The following GOT1 variants were observed in gnomAD, a reference collection of about 807,000 sequenced individuals.
GOT1 encodes glutamic-oxaloacetic transaminase 1, also known as aspartate aminotransferase, cytoplasmic.
GOT1 carries 25 observed loss-of-function variants against 48.2 expected under a neutral mutation model. The observed-to-expected ratio is 0.52, with a 90% CI of 0.38 to 0.72. GOT1 has a LOEUF of 0.72. GOT1 is among the 30% of genes least tolerant of loss of function. The pLI, the probability that GOT1 is intolerant of heterozygous loss-of-function variation, is 0.00. For missense variants in GOT1, 380 were observed against 520.1 expected (o/e 0.73, Z 2.62); for synonymous variants, 188 against 193.8 (o/e 0.97, Z 0.25).
chr10:99,406,656 A>G, intron 3 of GOT1, 70 bp downstream of exon 3: 2 of 1,485,452 alleles, frequency 1.3e-6, no homozygotes, highest in South Asian at 1.2e-5. Flanking sequence ...TTTCTGTGTA[A>G]CCAGGGAGAG....
chr10:99,429,661 T>G (rs993970882), intron 1 of GOT1, among the ~76,000 whole-genome samples: 1 of 152,132 alleles, frequency 6.6e-6, no homozygotes, highest in Non-Finnish European at 1.5e-5. Flanking sequence ...GGTAAAAAAT[T>G]TGAGAGGCAC....
intron 2 of GOT1, 100 bp downstream of exon 2, chr10:99,420,524 T>A (rs184856894): frequency 3.8e-4 from 330 of 879,532 alleles, no homozygotes; most frequent in Admixed American, 6.4e-4. Context: ...TCATTGGCAG[T>A]TCAATAGACA....
At chr10:99,416,921 A>G (rs1379131045) in intron 2 of GOT1, among the ~76,000 whole-genome samples, 1 of 152,214 alleles carries the variant, frequency 6.6e-6, no homozygotes, top group African/African-American at 2.4e-5. Flanking sequence ...CTTATACAAA[A>G]ATTAATTCAA....
At chr10:99,408,285 C>T (rs1029410206) in intron 2 of GOT1, among the ~76,000 whole-genome samples, 1 of 152,126 alleles carries the variant, frequency 6.6e-6, no homozygotes, top group Non-Finnish European at 1.5e-5. Context: ...TAGTTCTCTG[C>T]CTATAGATCT....
intron 1 of GOT1, among the ~76,000 whole-genome samples, chr10:99,425,948 G>A (rs1162595573): frequency 2.6e-5 from 4 of 152,166 alleles, no homozygotes; most frequent in South Asian, 2.1e-4. Flanking sequence ...TACATACAAG[G>A]TACTGCACTA....
At position 99,420,639 on chromosome 10, in the gene GOT1, T is replaced by G. The variant is rs1395181515; in HGVS notation, c.285A>C (p.Ala95=). ...CAAAACTTACCCGCTTCTCCTTGAG[T>G]GCTGGGCTGTCATCCCCAAGGGCAA... ...SRLALGDDSP[A]LKEKRVGGVQ... Residue 95 remains alanine, a synonymous_variant, in exon 2 of 9, where the codon GCA becomes GCC. Coordinates refer to ENST00000370508, the MANE Select transcript of GOT1 (RefSeq NM_002079.3). 6.2e-7 allele frequency: 1 copy of G among 1,613,322 alleles called. No individual in the cohort carries two copies. Among genetic ancestry groups the G allele is most frequent in the Non-Finnish European group, 8.5e-7 (1 of 1,179,576 alleles).
At chr10:99,423,712 G>A (rs771830100) in intron 1 of GOT1, among the ~76,000 whole-genome samples, 1 of 152,068 alleles carries the variant, frequency 6.6e-6, no homozygotes, top group African/African-American at 2.4e-5. Flanking sequence ...GCAGTGGCAC[G>A]AACACAGCTC....
At chr10:99,419,824 C>A (rs899396561) in intron 2 of GOT1, among the ~76,000 whole-genome samples, 1 of 152,190 alleles carries the variant, frequency 6.6e-6, no homozygotes, top group Non-Finnish European at 1.5e-5. Flanking sequence ...GCTCAAGTGC[C>A]ATCTCCAGCA....
At position 99,420,858 on chromosome 10, in the gene GOT1, T is replaced by A. The variant is rs889874279; in HGVS notation, c.119-53A>T. 6.4e-6 allele frequency: 9 copies of A among 1,398,914 alleles called. No individual in the cohort carries two copies. In the African/African-American group the frequency reaches 1.3e-4, roughly 20 times the overall value. The allele number at this position is 1,398,914 out of a possible 1,614,324, so 86.7% of individuals were successfully genotyped here. On this transcript the variant is annotated intron_variant, in intron 1 of 8. Transcript: ENST00000370508. ...GTGGAGGCTCATGCTGTGTCCAAGT[T>A]AAGAGTTTGTAACTGTGAACCAGGA...
rs1254003405 is a variant in GOT1, at chr10:99,403,563, C to T, written c.865G>A (p.Glu289Lys). The T allele has an allele frequency of 6.2e-7, 1 of 1,614,028 alleles. No homozygotes were observed. Among genetic ancestry groups the T allele is most frequent in the African/African-American group, 1.3e-5 (1 of 74,912 alleles). Residue 289 changes from glutamate to lysine, a missense_variant, in exon 7 of 9, where the codon GAG (glutamate) becomes AAG (lysine). By Grantham distance (56) the Glu-to-Lys change is moderately conservative. Coordinates refer to ENST00000370508, the MANE Select transcript of GOT1 (RefSeq NM_002079.3). ...GACCAAGTAATCCGCACGATCTTCT[C>T]CATCTGGGAAAGGACTTGCAGGATG... ...ESILQVLSQMEKIVRITWSNP... is the reference protein window; with the variant it reads ...ESILQVLSQMKKIVRITWSNP...
chr10:99,410,080 G>C (rs2032810906), intron 2 of GOT1, among the ~76,000 whole-genome samples: 1 of 152,170 alleles, frequency 6.6e-6, no homozygotes, highest in Non-Finnish European at 1.5e-5. Context: ...GTCAGATTTG[G>C]TGTGCTAACT....
At chr10:99,418,468 C>T (rs544179395) in intron 2 of GOT1, among the ~76,000 whole-genome samples, 1 of 149,496 alleles carries the variant, frequency 6.7e-6, no homozygotes, top group East Asian at 2.0e-4. Context: ...AGAAGAGAGG[C>T]CCCAGTGGCC....
Position 99,418,063 on chromosome 10 carries a change from T to A in GOT1, c.300+2561A>T, listed in dbSNP as rs538236248. On this transcript the variant is annotated intron_variant, in intron 2 of 8. Coordinates refer to ENST00000370508, the MANE Select transcript of GOT1 (RefSeq NM_002079.3). ...CTTAAAGTATAATTAAAAAAAAAAA[T>A]ATATATATATATAAAAAGAAGGGCT... 3.1e-3 allele frequency among the ~76,000 whole-genome samples: 438 copies of A among 143,136 alleles called. 2 individuals are homozygous for A. The highest frequency in any genetic ancestry group is 8.8e-3 in the African/African-American group (356 of 40,362). 93.9% of individuals were successfully genotyped at this position (143,136 alleles called of 152,430 possible).
At position 99,402,668 on chromosome 10, in the gene GOT1, G is replaced by A; in HGVS notation, c.1014C>T (p.Leu338=). ...TTTTGAGGGCTTCTAGTCGTGCCCT[G>A]AGTTCAGATCTCATGGTCAGAATCC... is the stretch of plus-strand genomic sequence containing the variant. ...ADRILTMRSE[L]RARLEALKTP... is the part of the protein sequence containing the mutation. Residue 338 remains leucine (L), a synonymous_variant, in exon 8 of 9, where the codon CTC becomes CTT. Transcript: ENST00000370508. 1 of 1,613,622 alleles carries A rather than the reference G, an allele frequency of 6.2e-7. No homozygotes were observed. The highest frequency in any genetic ancestry group is 8.5e-7 in the Non-Finnish European group (1 of 1,179,486).
chr10:99,406,151 G>A lies in GOT1; in HGVS notation c.523C>T (p.Leu175=). 3 of 1,606,332 alleles carry A rather than the reference G, an allele frequency of 1.9e-6. No homozygotes were observed. The South Asian group carries it at 3.3e-5, about 18-fold the overall frequency. Residue 175 remains leucine, a synonymous_variant, in exon 4 of 9, where the codon CTG becomes TTG. Transcript: ENST00000370508. ...AAATCACCCACCTCCAGATCATTCA[G>A]GAAGCCCTGGAGGTCCAATCCTCTC... is the stretch of plus-strand genomic sequence containing the variant. ...EKRGLDLQGF[L]NDLENAPEFS...
At position 99,397,389 on chromosome 10, in the gene GOT1, C is replaced by A; in HGVS notation, c.*158G>T. On this transcript the variant is annotated 3_prime_UTR_variant, in exon 9 of 9. Coordinates refer to ENST00000370508, the MANE Select transcript of GOT1 (RefSeq NM_002079.3). This position sits in a 1 kb window ranked among gnomAD's most constrained non-coding sequence, Gnocchi z 5.4. Reference sequence around the variant, plus strand: ...CCAAATTCGTCTCAAGGGATGTTCTCTTCATGTGGGGCCGGTTTAAACAGA... The same window carrying A: ...CCAAATTCGTCTCAAGGGATGTTCTATTCATGTGGGGCCGGTTTAAACAGA... 1 of 735,764 alleles carries A rather than the reference C, an allele frequency of 1.4e-6. No individual in the cohort carries two copies. The highest frequency in any genetic ancestry group is 2.4e-6 in the Non-Finnish European group (1 of 425,256). 45.6% of individuals were successfully genotyped at this position (735,764 alleles called of 1,614,324 possible).
chr10:99,413,306 T>C (rs2032851314), intron 2 of GOT1, among the ~76,000 whole-genome samples: 1 of 152,146 alleles, frequency 6.6e-6, no homozygotes, highest in Admixed American at 6.5e-5. Context: ...CAAGCTTCAG[T>C]AGCCGATTCG....
chr10:99,410,337 A>G (rs2032813982), intron 2 of GOT1, among the ~76,000 whole-genome samples: 1 of 152,220 alleles, frequency 6.6e-6, no homozygotes, highest in Non-Finnish European at 1.5e-5. Flanking sequence ...GCAAATGAGC[A>G]AGACCTCCCT....
At chr10:99,398,889 G>A (rs1265597242) in intron 8 of GOT1, among the ~76,000 whole-genome samples, 3 of 152,078 alleles carry the variant, frequency 2.0e-5, no homozygotes, top group South Asian at 2.1e-4. Context: ...ATGGCCTTCC[G>A]AGATTGCACA....
Sources: gnomAD v4.1 joint callset for allele counts (sites outside exome capture counted in the v4.1 genomes callset) on GRCh38, gnomAD v4.1.1 for gene constraint, Gnocchi (gnomAD v3.1) non-coding constraint, MANE v1.5 for transcripts, NCBI Gene and HGNC (gene_info 2026-07-23, HGNC 2026-07-21) for gene names.